PRKG1: variants seen among roughly 807,000 people sequenced by gnomAD.
The protein encoded by PRKG1 is protein kinase cGMP-dependent 1.
Under a neutral mutation model 88.1 loss-of-function variants are expected in PRKG1, and 35 were observed. The observed-to-expected ratio is 0.40, with a 90% CI of 0.30 to 0.53. The LOEUF is 0.53. Ranked by LOEUF, PRKG1 falls within the 20% of genes least tolerant of loss-of-function variation. The pLI is 0.59. For missense variants in PRKG1, 540 were observed against 839.8 expected (o/e 0.64, Z 4.41); for synonymous variants, 303 against 292.5 (o/e 1.04, Z -0.37).
rs374202731 is a variant in PRKG1 at position 52,282,269 on chromosome 10, C to T, written c.1662C>T (p.Ala554=). 75 of 1,609,910 alleles carry T rather than the reference C, an allele frequency of 4.7e-5. No individual in the cohort carries two copies. Among genetic ancestry groups the T allele is most frequent in the African/African-American group, 2.7e-4 (20 of 74,796 alleles). Residue 554 remains alanine, a synonymous_variant, in exon 14 of 18, where the codon GCC becomes GCT. Transcript: ENST00000373980. ...IILNKGHDIS[A]DYWSLGILMY... is the part of the protein sequence containing the mutation. The stretch of plus-strand genomic sequence containing the variant: ...TGAACAAAGGCCATGACATTTCAGC[C>T]GACTACTGGTCACTGGGAATCCTAA...
intron 9 of PRKG1, chr10:52,185,009 G>A (rs1839153386): frequency 6.6e-6 from 1 of 152,146 alleles, no homozygotes; most frequent in African/African-American, 2.4e-5. Flanking sequence ...CATCCAAACT[G>A]TATTATTCTG....
At chr10:51,125,767 A>G (rs997652038) in intron 1 of PRKG1, among the ~76,000 whole-genome samples, 1 of 145,374 alleles carries the variant, frequency 6.9e-6, no homozygotes, top group Admixed American at 6.9e-5. Context: ...AAAATTATAT[A>G]TTTTTAATTT....
intron 2 of PRKG1, among the ~76,000 whole-genome samples, chr10:51,356,852 T>C (rs529272853): frequency 2.0e-5 from 3 of 152,132 alleles, no homozygotes; most frequent in South Asian, 4.1e-4. Flanking sequence ...CATACCTCTA[T>C]CGCTGAACTA....
chr10:51,131,566 G>C (rs368401075), intron 1 of PRKG1, among the ~76,000 whole-genome samples: 1 of 152,144 alleles, frequency 6.6e-6, no homozygotes, highest in African/African-American at 2.4e-5. Context: ...GATCAACATG[G>C]TGAAACTCCA....
intron 5 of PRKG1, among the ~76,000 whole-genome samples, chr10:51,951,779 G>T (rs911339933): frequency 6.6e-6 from 1 of 152,154 alleles, no homozygotes; most frequent in Non-Finnish European, 1.5e-5. Flanking sequence ...TAGTTGGAAC[G>T]AACCTCTAAG....
intron 9 of PRKG1, among the ~76,000 whole-genome samples, chr10:52,193,751 A>T (rs1381559745): frequency 6.6e-6 from 1 of 152,182 alleles, no homozygotes; most frequent in Non-Finnish European, 1.5e-5. Flanking sequence ...CTTCCTTTTT[A>T]GAAGCAAGTA....
At chr10:51,611,324 G>A (rs1435366506) in intron 3 of PRKG1, among the ~76,000 whole-genome samples, 2 of 152,046 alleles carry the variant, frequency 1.3e-5, no homozygotes, top group Non-Finnish European at 2.9e-5. Context: ...ATTCTCACTA[G>A]GGTGAGATGA....
chr10:51,814,610 C>T lies in PRKG1; in HGVS notation c.698+9920C>T, dbSNP rs189800120. 1.8e-4 allele frequency among the ~76,000 whole-genome samples: 27 copies of T among 152,190 alleles called. No individual in the cohort carries two copies. In the East Asian group the frequency reaches 4.8e-3, roughly 27 times the overall value. ...ATTGGGAAGAATAAATAAAGAGGCACTTTCTCACCCCATTTTCAAGTTGGT... is the reference window on the plus strand; with the variant it reads ...ATTGGGAAGAATAAATAAAGAGGCATTTTCTCACCCCATTTTCAAGTTGGT... On this transcript the variant is annotated intron_variant, in intron 4 of 17. Coordinates refer to ENST00000373980, the MANE Select transcript of PRKG1 (RefSeq NM_006258.4).
chr10:52,293,287 C>T (rs1386078525), intron 17 of PRKG1, among the ~76,000 whole-genome samples: 1 of 151,808 alleles, frequency 6.6e-6, no homozygotes, highest in Non-Finnish European at 1.5e-5. Context: ...GAAGAACATT[C>T]CATGCTCATG....
rs771994088 is a variant in PRKG1, at chr10:51,439,219, C to T, written c.479-28504C>T. ...AGGATTACAGTTCCTTCACTGGATA[C>T]GCATGTCTTACAATTAGTCATATAG... On this transcript the variant is annotated intron_variant, in intron 2 of 17. Transcript: ENST00000373980. Among the ~76,000 whole-genome samples the T allele has an allele frequency of 5.3e-4, 80 of 151,820 alleles. 1 individual carries two copies. Among genetic ancestry groups the T allele is most frequent in the Non-Finnish European group, 1.1e-3 (72 of 67,848 alleles).
intron 2 of PRKG1, among the ~76,000 whole-genome samples, chr10:51,269,026 A>C (rs1404281818): frequency 6.6e-6 from 1 of 152,122 alleles, no homozygotes; most frequent in African/African-American, 2.4e-5. Context: ...GAAATCAGCA[A>C]GGAAAAAACA....
chr10:51,641,101 G>A (rs1473763476), intron 3 of PRKG1, among the ~76,000 whole-genome samples: 1 of 151,952 alleles, frequency 6.6e-6, no homozygotes, highest in Non-Finnish European at 1.5e-5. Context: ...TTATAATACT[G>A]CAAAATGAGT....
intron 2 of PRKG1, among the ~76,000 whole-genome samples, chr10:51,291,207 G>A (rs887446635): frequency 1.3e-5 from 2 of 152,078 alleles, no homozygotes; most frequent in African/African-American, 4.8e-5. Flanking sequence ...TGGTCAGTTG[G>A]TATTCTGTTG....
intron 3 of PRKG1, among the ~76,000 whole-genome samples, chr10:51,687,769 T>C (rs1841030384): frequency 1.3e-5 from 2 of 152,184 alleles, no homozygotes; most frequent in Non-Finnish European, 2.9e-5. Context: ...AATATAAATG[T>C]TTCTACCAAT....
intron 3 of PRKG1, among the ~76,000 whole-genome samples, chr10:51,596,956 A>G (rs1397696387): frequency 1.3e-5 from 2 of 152,162 alleles, no homozygotes; most frequent in Non-Finnish European, 2.9e-5. Context: ...AAAAAAAGTG[A>G]CTGCTTATAC....
At chr10:52,142,488 T>G (rs1222553246) in intron 8 of PRKG1, among the ~76,000 whole-genome samples, 1 of 152,130 alleles carries the variant, frequency 6.6e-6, no homozygotes, top group Non-Finnish European at 1.5e-5. Context: ...TAAAATATTT[T>G]CATTGAATTA....
intron 3 of PRKG1, among the ~76,000 whole-genome samples, chr10:51,645,131 T>A (rs1839886076): frequency 6.6e-6 from 1 of 152,186 alleles, no homozygotes; most frequent in African/African-American, 2.4e-5. Flanking sequence ...ATCTTGGTCA[T>A]TGTTTCTAAG....
intron 14 of PRKG1, among the ~76,000 whole-genome samples, chr10:52,283,565 G>T (rs1370563394): frequency 1.3e-5 from 2 of 152,006 alleles, no homozygotes; most frequent in Non-Finnish European, 2.9e-5. Flanking sequence ...TTATTTATGG[G>T]TATTTTACAT....
chr10:51,243,654 C>T (rs1839211685), intron 2 of PRKG1, among the ~76,000 whole-genome samples: 1 of 152,182 alleles, frequency 6.6e-6, no homozygotes, highest in South Asian at 2.1e-4. Context: ...TCCATCATGG[C>T]ATGGGCAGTT....
Sources: allele counts gnomAD v4.1 joint callset (sites outside exome capture counted in the v4.1 genomes callset), GRCh38; gene constraint gnomAD v4.1.1; transcripts MANE v1.5; gene names NCBI Gene and HGNC (gene_info 2026-07-23, HGNC 2026-07-21).